EYS: variants seen among roughly 807,000 people sequenced by gnomAD.
EYS encodes the protein protein eyes shut homolog.
In EYS, 250 loss-of-function variants were observed where a neutral mutation model predicts 282.1. The ratio of observed to expected loss-of-function variants is 0.89; its 90% CI spans 0.80 to 0.98. EYS has a LOEUF of 0.98. EYS is among the 50% of genes least tolerant of loss of function. EYS has a pLI of 0.00. For missense variants in EYS, 4,016 were observed against 3,709.0 expected (o/e 1.08, Z -2.15); for synonymous variants, 1,355 against 1,282.9 (o/e 1.06, Z -1.20).
chr6:63,913,581 T>C (rs1342409078), intron 35 of EYS, among the ~76,000 whole-genome samples: 1 of 152,236 alleles, frequency 6.6e-6, no homozygotes, highest in African/African-American at 2.4e-5. Flanking sequence ...TCATATAAAT[T>C]GTATCATTAA....
At chr6:64,878,757 A>ATT (rs199550207) in intron 19 of EYS, among the ~76,000 whole-genome samples, 10,707 of 148,172 alleles carry the variant, frequency 0.072, 448 homozygotes, top group East Asian at 0.16. Flanking sequence ...GGAAATAAGG[A>ATT]TTTTTTTTTT....
At chr6:64,194,505 TC>T (rs1358869250) in intron 31 of EYS, among the ~76,000 whole-genome samples, 1 of 152,192 alleles carries the variant, frequency 6.6e-6, no homozygotes, top group African/African-American at 2.4e-5. Context: ...TCTTCCTTGA[TC>T]TTTCATGACT....
At chr6:65,201,529 G>A (rs370887126) in intron 12 of EYS, among the ~76,000 whole-genome samples, 4 of 152,042 alleles carry the variant, frequency 2.6e-5, no homozygotes, top group Non-Finnish European at 5.9e-5. Flanking sequence ...TACAAATAAC[G>A]TGGTGAATAA....
At chr6:64,808,622 T>G (rs573024636) in intron 22 of EYS, among the ~76,000 whole-genome samples, 1 of 152,022 alleles carries the variant, frequency 6.6e-6, no homozygotes, top group Non-Finnish European at 1.5e-5. Flanking sequence ...CTGGGTTTCT[T>G]GGTAATTTTT....
chr6:65,272,087 C>T (rs961976621), intron 12 of EYS, among the ~76,000 whole-genome samples: 2 of 152,098 alleles, frequency 1.3e-5, no homozygotes, highest in Admixed American at 6.5e-5. Context: ...TTTTCTTTTC[C>T]CAGTCTGTCT....
intron 13 of EYS, among the ~76,000 whole-genome samples, chr6:65,018,120 AAAC>A (rs1469079331): frequency 1.3e-5 from 2 of 152,218 alleles, no homozygotes; most frequent in Non-Finnish European, 2.9e-5. Context: ...ATCGATAAAA[AAAC>A]ACACTGCATT....
At chr6:64,223,908 G>C (rs1191209343) in intron 31 of EYS, among the ~76,000 whole-genome samples, 2 of 151,964 alleles carry the variant, frequency 1.3e-5, no homozygotes, top group African/African-American at 4.8e-5. Context: ...GATCATTCAT[G>C]CTTTGACTGT....
chr6:64,327,531 C>G (rs1770472840), intron 29 of EYS, among the ~76,000 whole-genome samples: 1 of 152,014 alleles, frequency 6.6e-6, no homozygotes, highest in Non-Finnish European at 1.5e-5. Context: ...GCCAAGTGTT[C>G]CGGGTAGTCA....
intron 12 of EYS, among the ~76,000 whole-genome samples, chr6:65,126,231 C>A (rs1009142239): frequency 1.3e-5 from 2 of 152,122 alleles, no homozygotes; most frequent in African/African-American, 4.8e-5. Context: ...TTCTCCCACT[C>A]TTCTTTAAGG....
chr6:63,983,287 ACT>A, intron 35 of EYS, among the ~76,000 whole-genome samples: 1 of 151,848 alleles, frequency 6.6e-6, no homozygotes, highest in South Asian at 2.1e-4. Flanking sequence ...ATTTCTAGAC[ACT>A]CTAAGAAACT....
intron 30 of EYS, among the ~76,000 whole-genome samples, chr6:64,236,263 G>A (rs1253852649): frequency 3.9e-5 from 6 of 152,100 alleles, no homozygotes; most frequent in Non-Finnish European, 7.4e-5. Flanking sequence ...GTGAGCAACC[G>A]TACCTGGCCC....
chr6:65,301,483 G>T (rs577428484), intron 11 of EYS, among the ~76,000 whole-genome samples: 1 of 152,304 alleles, frequency 6.6e-6, no homozygotes, highest in Non-Finnish European at 1.5e-5. Context: ...GGCAGTCTTG[G>T]TTTTCTGCTA....
intron 28 of EYS, among the ~76,000 whole-genome samples, chr6:64,411,890 C>A (rs1044965153): frequency 1.2e-5 from 1 of 80,394 alleles, no homozygotes; most frequent in Non-Finnish European, 2.9e-5. Flanking sequence ...AATATATACA[C>A]ATATATATGT....
chr6:63,967,561 T>C (rs1205217178), intron 35 of EYS, among the ~76,000 whole-genome samples: 13 of 152,152 alleles, frequency 8.5e-5, no homozygotes, highest in Admixed American at 8.5e-4. Context: ...AAAGCATGGA[T>C]GTGATCCTGA....
chr6:64,843,953 A>G (rs1043611583), intron 19 of EYS, among the ~76,000 whole-genome samples: 2 of 152,222 alleles, frequency 1.3e-5, no homozygotes, highest in African/African-American at 4.8e-5. Context: ...TTTCTGCCAT[A>G]CTATTCTTGT....
chr6:64,438,719 T>C (rs890600155), intron 27 of EYS, among the ~76,000 whole-genome samples: 1 of 151,668 alleles, frequency 6.6e-6, no homozygotes. Context: ...TCTAAATATA[T>C]ATAAACTGAT....
intron 31 of EYS, among the ~76,000 whole-genome samples, chr6:64,191,173 A>T (rs938574695): frequency 6.6e-6 from 1 of 152,000 alleles, no homozygotes; most frequent in African/African-American, 2.4e-5. Flanking sequence ...TTATGGTGTT[A>T]AAGTTCTTAA....
At chr6:64,902,348 C>T (rs774254933) in intron 17 of EYS, 56 bp downstream of exon 17, 187 of 1,323,776 alleles carry the variant, frequency 1.4e-4, no homozygotes, top group Non-Finnish European at 1.7e-4. Flanking sequence ...AATTCTATAC[C>T]TGTATACATC....
chr6:64,227,481 T>C (rs1052419718), intron 31 of EYS, among the ~76,000 whole-genome samples: 3 of 152,088 alleles, frequency 2.0e-5, no homozygotes, highest in Admixed American at 6.6e-5. Flanking sequence ...TGGTTAAATG[T>C]GAAATCTGGA....
Sources: allele counts gnomAD v4.1 joint callset (sites outside exome capture counted in the v4.1 genomes callset), GRCh38; gene constraint gnomAD v4.1.1; transcripts MANE v1.5; gene names NCBI Gene and HGNC (gene_info 2026-07-23, HGNC 2026-07-21).